Variants in THOC1 observed in about 807,000 individuals in gnomAD.
THOC1 encodes THO complex 1.
Under a neutral mutation model 97.3 loss-of-function variants are expected in THOC1, and 29 were observed. That is an observed-to-expected ratio of 0.30 (90% CI 0.22 to 0.41). THOC1 has a LOEUF of 0.41. Among genes scored for constraint, THOC1 ranks in the 10% least tolerant of loss-of-function variants. THOC1 has a pLI of 1.00. For missense variants in THOC1, 529 were observed against 761.9 expected (o/e 0.69, Z 3.60); for synonymous variants, 255 against 257.0 (o/e 0.99, Z 0.07).
At chr18:260,812 T>C (rs1317585725) in intron 4 of THOC1, 2 of 152,150 alleles carry the variant, frequency 1.3e-5, no homozygotes, top group South Asian at 2.1e-4. Flanking sequence ...ATAACGACTA[T>C]AATAACTTGG....
chr18:259,088 AC>A, intron 7 of THOC1, 91 bp downstream of exon 7: 4 of 966,416 alleles, frequency 4.1e-6, no homozygotes, highest in Non-Finnish European at 6.2e-6. Context: ...ACTTTTTAGA[AC>A]CATTTTTCTC....
At chr18:228,346 G>T (rs16955975) in intron 11 of THOC1, among the ~76,000 whole-genome samples, 5 of 151,546 alleles carry the variant, frequency 3.3e-5, no homozygotes, top group Non-Finnish European at 7.4e-5. Context: ...CCCTTGACCC[G>T]TCTATTCTCT....
chr18:224,228 A>G, intron 15 of THOC1, 49 bp from the exon 16 acceptor site: 2 of 1,278,102 alleles, frequency 1.6e-6, no homozygotes, highest in Non-Finnish European at 1.1e-6. Context: ...AATGGATAAC[A>G]GAAATAGAAG....
intron 11 of THOC1, among the ~76,000 whole-genome samples, chr18:238,189 A>C (rs1911776384): frequency 6.6e-6 from 1 of 152,000 alleles, no homozygotes; most frequent in African/African-American, 2.4e-5. Flanking sequence ...ATTCTTTTCA[A>C]ACTGTCTTTC....
At chr18:239,035 T>C (rs1911806412) in intron 11 of THOC1, among the ~76,000 whole-genome samples, 1 of 152,212 alleles carries the variant, frequency 6.6e-6, no homozygotes. Context: ...TATTTTGTTG[T>C]TACCTCTATT....
intron 11 of THOC1, among the ~76,000 whole-genome samples, chr18:231,451 A>T (rs1911482099): frequency 6.6e-6 from 1 of 152,146 alleles, no homozygotes. Flanking sequence ...ATACATAAAA[A>T]ACATGTGCTA....
At chr18:217,740 G>A (rs1910943036) in intron 18 of THOC1, among the ~76,000 whole-genome samples, 2 of 152,164 alleles carry the variant, frequency 1.3e-5, no homozygotes, top group African/African-American at 4.8e-5. Context: ...GAGGAGACCA[G>A]GGAGGGGAAG....
chr18:257,938 T>C (rs1912487959), intron 7 of THOC1, among the ~76,000 whole-genome samples: 1 of 152,018 alleles, frequency 6.6e-6, no homozygotes, highest in South Asian at 2.1e-4. Flanking sequence ...TAAAGAGGCA[T>C]ACACAATATT....
intron 11 of THOC1, among the ~76,000 whole-genome samples, chr18:235,463 A>G (rs1314262061): frequency 1.3e-5 from 2 of 152,110 alleles, no homozygotes; most frequent in South Asian, 2.1e-4. Context: ...CCATTAATGC[A>G]TATGAAGCTT....
intron 11 of THOC1, among the ~76,000 whole-genome samples, chr18:231,789 T>G (rs1911494136): frequency 6.6e-6 from 1 of 152,254 alleles, no homozygotes; most frequent in African/African-American, 2.4e-5. Context: ...CATTTTATAT[T>G]ACTACATATG....
chr18:254,782 A>C lies in THOC1; in HGVS notation c.521-427T>G, dbSNP rs1005780174. On this transcript the variant is annotated intron_variant, in intron 7 of 20. Transcript: ENST00000261600. This position sits in a 1 kb window ranked among gnomAD's most constrained non-coding sequence, Gnocchi z 4.1. ...TTTGCCACAGATTTGTTTTTGCCACAAACTGTGCCCATCTAAGATCTAAGA... is the reference window on the plus strand; with the variant it reads ...TTTGCCACAGATTTGTTTTTGCCACCAACTGTGCCCATCTAAGATCTAAGA... Among the ~76,000 whole-genome samples the C allele has an allele frequency of 1.3e-5, 2 of 151,984 alleles. No homozygotes were observed. Among genetic ancestry groups the C allele is most frequent in the African/African-American group, 4.8e-5 (2 of 41,404 alleles).
intron 8 of THOC1, among the ~76,000 whole-genome samples, chr18:253,538 C>T (rs1912345144): frequency 6.6e-6 from 1 of 152,152 alleles, no homozygotes. Flanking sequence ...TGTACATATA[C>T]ACAAAAAGTC....
chr18:236,884 G>C (rs184632673), intron 11 of THOC1, among the ~76,000 whole-genome samples: 9 of 152,002 alleles, frequency 5.9e-5, no homozygotes, highest in South Asian at 2.1e-4. Flanking sequence ...AAGTGCTCTT[G>C]TATGACCTCT....
At chr18:217,135 C>A (rs1910919661) in intron 18 of THOC1, among the ~76,000 whole-genome samples, 1 of 152,218 alleles carries the variant, frequency 6.6e-6, no homozygotes, top group Admixed American at 6.5e-5. Flanking sequence ...CAAATTTATT[C>A]CATTTAAGAG....
chr18:232,222 T>C (rs1454324009), intron 11 of THOC1, among the ~76,000 whole-genome samples: 1 of 152,130 alleles, frequency 6.6e-6, no homozygotes, highest in Non-Finnish European at 1.5e-5. Flanking sequence ...CAGCCTCCCC[T>C]GTAGCTGGGA....
chr18:225,483 G>T, intron 12 of THOC1, 80 bp from the exon 13 acceptor site: 1 of 1,089,696 alleles, frequency 9.2e-7, no homozygotes, highest in Non-Finnish European at 1.4e-6. Context: ...CACAAGGCAT[G>T]TAACATGTAA....
At chr18:225,231 T>C in intron 13 of THOC1, 92 bp from the exon 14 acceptor site, 1 of 1,529,668 alleles carries the variant, frequency 6.5e-7, no homozygotes, top group Non-Finnish European at 8.9e-7. Flanking sequence ...TTTGTGGTCT[T>C]GTACCTGAGC....
At chr18:240,812 T>C (rs1330220511) in intron 11 of THOC1, among the ~76,000 whole-genome samples, 3 of 152,186 alleles carry the variant, frequency 2.0e-5, no homozygotes, top group Non-Finnish European at 4.4e-5. Context: ...GAAATACATA[T>C]ACAACTCACC....
intron 9 of THOC1, among the ~76,000 whole-genome samples, chr18:249,749 T>G (rs1199554823): frequency 6.6e-6 from 1 of 152,068 alleles, no homozygotes; most frequent in Non-Finnish European, 1.5e-5. Flanking sequence ...TATAAATTAT[T>G]TACATTCATG....
Sources: allele counts gnomAD v4.1 joint callset (sites outside exome capture counted in the v4.1 genomes callset), GRCh38; gene constraint gnomAD v4.1.1; non-coding constraint Gnocchi (gnomAD v3.1); transcripts MANE v1.5; gene names NCBI Gene and HGNC (gene_info 2026-07-23, HGNC 2026-07-21).